The following ZNF655 variants were observed in gnomAD, a reference collection of about 807,000 sequenced individuals.
ZNF655 encodes Vav-interacting Kruppel-like protein 1.
In ZNF655, 3 loss-of-function variants were observed where a neutral mutation model predicts 6.6. The observed-to-expected ratio is 0.46, with a 90% confidence interval of 0.21 to 1.18. The LOEUF (loss-of-function observed/expected upper bound fraction) is 1.18, where lower values mean the gene tolerates loss of function less well. Among genes scored for constraint, ZNF655 ranks in the 50% most tolerant of loss-of-function variants. The pLI is 0.24. For synonymous variants in ZNF655, 178 were observed against 195.0 expected (o/e 0.91, Z 0.73); for missense variants, 526 against 572.3 (o/e 0.92, Z 0.83).
chr7:99,563,630 A>G lies in ZNF655; in HGVS notation c.136+2935A>G, dbSNP rs1193125809. On this transcript the variant is annotated intron_variant, in intron 2 of 2. Transcript: ENST00000252713. The stretch of plus-strand genomic sequence containing the variant: ...ACCGCACCCAGCCTCCTTTTTCTTT[A>G]GTTTCTTGCTTGCTTCTGCACTCTT... 6.6e-5 allele frequency among the ~76,000 whole-genome samples: 10 copies of G among 151,270 alleles called. No homozygotes were observed. The South Asian group carries it at 1.3e-3, about 19-fold the overall frequency.
At position 99,560,709 on chromosome 7, in the gene ZNF655, AGCACTTCC is replaced by A. The variant is rs1368133358; in HGVS notation, c.136+16_136+23del. The A allele has an allele frequency of 6.2e-7, 1 of 1,612,582 alleles. No individual in the cohort carries two copies. The highest frequency in any genetic ancestry group is 8.5e-7 in the Non-Finnish European group (1 of 1,178,980). ...GACTCACTGGGGGTAAGGCAGAGAA[AGCACTTCC>A]GTCTGGGAGAGTGGGAGTGCGGAGG... is the stretch of plus-strand genomic sequence containing the variant. On this transcript the variant is annotated intron_variant, in intron 2 of 2. Coordinates refer to ENST00000252713, the MANE Select transcript of ZNF655 (RefSeq NM_138494.3).
At chr7:99,562,487 C>G (rs1354035219) in intron 2 of ZNF655, 1 of 1,612,322 alleles carries the variant, frequency 6.2e-7, no homozygotes, top group East Asian at 2.2e-5. Flanking sequence ...GGAACGTGGT[C>G]TCACTGGGTA....
chr7:99,562,848 CCAGA>C (rs1803312027), intron 2 of ZNF655, among the ~76,000 whole-genome samples: 1 of 152,158 alleles, frequency 6.6e-6, no homozygotes, highest in East Asian at 1.9e-4. Context: ...CAACCTCCAA[CCAGA>C]CACTTTCCTC....
intron 2 of ZNF655, among the ~76,000 whole-genome samples, chr7:99,566,303 G>C (rs146345574): frequency 5.3e-5 from 8 of 152,236 alleles, no homozygotes; most frequent in Non-Finnish European, 1.0e-4. Context: ...TGTGTACTCT[G>C]ATGACAAGAA....
Position 99,573,455 on chromosome 7 carries a change from A to C in ZNF655, c.1347A>C (p.Ser449=). ...ATGAGGGCAGTTTCAGTCATAGCTCAGATCTTATCCTGCAACAAGAAGTCC... is the reference window on the plus strand; with the variant it reads ...ATGAGGGCAGTTTCAGTCATAGCTCCGATCTTATCCTGCAACAAGAAGTCC... The part of the protein sequence containing the change: ...NEYEGSFSHS[S]DLILQQEVLT... Residue 449 remains serine, a synonymous_variant, in exon 3 of 3, where the codon TCA becomes TCC. Transcript: ENST00000252713. 1.9e-6 allele frequency: 3 copies of C among 1,614,008 alleles called. No individual in the cohort carries two copies.
intron 2 of ZNF655, chr7:99,563,718 T>C: frequency 1.2e-6 from 1 of 826,462 alleles, no homozygotes; most frequent in Non-Finnish European, 1.9e-6. Context: ...TCCGTTGGCT[T>C]TGTCTATGCT....
chr7:99,561,630 G>A (rs1411084450), intron 2 of ZNF655, among the ~76,000 whole-genome samples: 1 of 152,158 alleles, frequency 6.6e-6, no homozygotes, highest in Non-Finnish European at 1.5e-5. Flanking sequence ...TTCTGTAAGA[G>A]GACTGTCATG....
At chr7:99,563,099 C>T (rs1234884935) in intron 2 of ZNF655, 7 of 421,138 alleles carry the variant, frequency 1.7e-5, no homozygotes, top group Non-Finnish European at 2.9e-5. Flanking sequence ...CACGTAACCA[C>T]ACCCAGGGCA....
chr7:99,564,207 C>A, intron 2 of ZNF655: 1 of 1,365,548 alleles, frequency 7.3e-7, no homozygotes, highest in Non-Finnish European at 9.4e-7. Context: ...GAACCCAGTT[C>A]ATTCAGAAAC....
rs930484163 is a variant in ZNF655, at chr7:99,574,287, C to G, written c.*703C>G. The G allele has an allele frequency of 5.9e-5, 9 of 152,210 alleles. No individual in the cohort carries two copies. Among genetic ancestry groups the G allele is most frequent in the African/African-American group, 2.2e-4 (9 of 41,444 alleles). 9.4% of individuals were successfully genotyped at this position (152,210 alleles called of 1,614,324 possible). A position where few individuals can be genotyped will look rare whatever the true frequency, so the allele number is the denominator to read the frequency against. ...GAAATTGTTAATACATAGTCCCAAT[C>G]TTTTTCATTGCACAAAAATCTAGGG... On this transcript the variant is annotated 3_prime_UTR_variant, in exon 3 of 3. Coordinates refer to ENST00000252713, the MANE Select transcript of ZNF655 (RefSeq NM_138494.3).
intron 2 of ZNF655, chr7:99,571,523 C>T (rs754562654): frequency 9.3e-7 from 1 of 1,071,418 alleles, no homozygotes; most frequent in African/African-American, 1.6e-5. Context: ...GAGCACAAAT[C>T]TGAGCTCCTT....
At position 99,572,381 on chromosome 7, in the gene ZNF655, G is replaced by A. The variant is rs772113664; in HGVS notation, c.273G>A (p.Lys91=). ...TQVPETREVY[K]SEDRLERLQE... is the part of the protein sequence containing the mutation. ...TTCCTGAGACTAGAGAAGTGTATAAGTCTGAGGACAGATTAGAAAGACTTC... is the reference window on the plus strand; with the variant it reads ...TTCCTGAGACTAGAGAAGTGTATAAATCTGAGGACAGATTAGAAAGACTTC... Residue 91 remains lysine, a synonymous_variant, in exon 3 of 3, where the codon AAG becomes AAA. Transcript: ENST00000252713. 2.3e-5 allele frequency: 37 copies of A among 1,613,784 alleles called. No individual in the cohort carries two copies. Among genetic ancestry groups the A allele is most frequent in the Non-Finnish European group, 2.9e-5 (34 of 1,179,950 alleles).
intron 2 of ZNF655, chr7:99,571,737 A>G (rs1427817068): frequency 1.2e-6 from 2 of 1,610,422 alleles, no homozygotes; most frequent in Non-Finnish European, 1.7e-6. Context: ...AACAGGATCT[A>G]CAGGTCTTTG....
intron 2 of ZNF655, chr7:99,571,469 C>T (rs1562937260): frequency 1.2e-5 from 15 of 1,280,766 alleles, no homozygotes; most frequent in Non-Finnish European, 1.4e-5. Context: ...ATGAATCCTT[C>T]TGCTCCCAAG....
Position 99,573,094 on chromosome 7 carries a change from C to T in ZNF655, c.986C>T (p.Pro329Leu), listed in dbSNP as rs143442199. The stretch of plus-strand genomic sequence containing the variant: ...CATCAGAAAATTCACAAAGAGATGC[C>T]CTGTAAGTGTACTGTATGTGGCAGT... ...TQHQKIHKEM[P>L]CKCTVCGSDF... The change falls in exon 3 of 3, where the codon CCC becomes CTC. Residue 329 changes from proline to leucine, a missense_variant. Pro to Leu is a moderately conservative substitution (Grantham distance 98). Coordinates refer to ENST00000252713, the MANE Select transcript of ZNF655 (RefSeq NM_138494.3). 8.1e-6 allele frequency: 13 copies of T among 1,613,926 alleles called. No homozygotes were observed. Among genetic ancestry groups the T allele is most frequent in the Non-Finnish European group, 1.0e-5 (12 of 1,180,006 alleles).
chr7:99,567,256 A>C (rs1323157542), intron 2 of ZNF655, among the ~76,000 whole-genome samples: 1 of 152,244 alleles, frequency 6.6e-6, no homozygotes, highest in Non-Finnish European at 1.5e-5. Flanking sequence ...AGAGTCGGCC[A>C]GGTGCTGTGG....
chr7:99,572,156 T>C, intron 2 of ZNF655, 89 bp from the exon 3 acceptor site: 1 of 1,376,048 alleles, frequency 7.3e-7, no homozygotes, highest in Non-Finnish European at 9.7e-7. Flanking sequence ...TTGTAGATAC[T>C]ACATTGTTTA....
intron 2 of ZNF655, chr7:99,564,285 A>C: frequency 7.6e-7 from 1 of 1,308,168 alleles, no homozygotes; most frequent in Non-Finnish European, 9.7e-7. Context: ...CTCTTCAGTT[A>C]TGGTCTTTTC....
At position 99,566,090 on chromosome 7, in the gene ZNF655, C is replaced by T. The variant is rs578022686; in HGVS notation, c.136+5395C>T. 7.3e-5 allele frequency among the ~76,000 whole-genome samples: 11 copies of T among 150,994 alleles called. No homozygotes were observed. In the South Asian group the frequency reaches 2.3e-3, roughly 32 times the overall value. On this transcript the variant is annotated intron_variant, in intron 2 of 2. Transcript: ENST00000252713. ...TGTATATATCTCATTTAATCCTTACCATAACCCTGTGAGCAGATGACACTG... is the reference window on the plus strand; with the variant it reads ...TGTATATATCTCATTTAATCCTTACTATAACCCTGTGAGCAGATGACACTG...
Sources: allele counts gnomAD v4.1 joint callset (sites outside exome capture counted in the v4.1 genomes callset), GRCh38; gene constraint gnomAD v4.1.1; transcripts MANE v1.5; gene names NCBI Gene and HGNC (gene_info 2026-07-23, HGNC 2026-07-21).